DACH1: variants seen among roughly 807,000 people sequenced by gnomAD.
DACH1 encodes the protein dachshund family transcription factor 1.
In DACH1, 12 loss-of-function variants were observed where a neutral mutation model predicts 54.2. The observed-to-expected ratio is 0.22, with a 90% CI of 0.14 to 0.36. The LOEUF (loss-of-function observed/expected upper bound fraction) is 0.36. Among genes scored for constraint, DACH1 ranks in the 10% least tolerant of loss-of-function variants. The pLI, the probability that DACH1 is intolerant of heterozygous loss-of-function variation, is 1.00. For missense variants in DACH1, 805 were observed against 929.8 expected (o/e 0.87, Z 1.75); for synonymous variants, 386 against 366.2 (o/e 1.05, Z -0.62).
intron 10 of DACH1, among the ~76,000 whole-genome samples, chr13:71,471,104 G>A (rs1037777140): frequency 6.6e-6 from 1 of 152,158 alleles, no homozygotes; most frequent in Non-Finnish European, 1.5e-5. Flanking sequence ...TCCAATAGGT[G>A]GGGAAAGAAG....
Position 71,865,917 on chromosome 13 carries a change from C to T in DACH1, c.848+5G>A. 6.3e-7 allele frequency: 1 copy of T among 1,596,484 alleles called. No individual in the cohort carries two copies. The highest frequency in any genetic ancestry group is 1.7e-5 in the Admixed American group (1 of 58,536). On this transcript the variant is annotated splice_donor_5th_base_variant and intron_variant, in intron 1 of 10. Transcript: ENST00000613252. ...GGGCGGCGGGGGCTATCCCCCCCGACTCACCTTGCGTTGGTGCAGTCATTG... is the reference window on the plus strand; with the variant it reads ...GGGCGGCGGGGGCTATCCCCCCCGATTCACCTTGCGTTGGTGCAGTCATTG...
At chr13:71,454,208 A>G (rs945555132) in intron 10 of DACH1, among the ~76,000 whole-genome samples, 4 of 152,192 alleles carry the variant, frequency 2.6e-5, no homozygotes, top group Admixed American at 6.5e-5. Flanking sequence ...ACAAACATGG[A>G]CATCTGCTCT....
At chr13:71,673,147 G>A (rs1478301188) in intron 2 of DACH1, among the ~76,000 whole-genome samples, 1 of 152,054 alleles carries the variant, frequency 6.6e-6, no homozygotes, top group Non-Finnish European at 1.5e-5. Context: ...AGAAAGTATG[G>A]TAATTTTCTT....
At chr13:71,822,422 C>T (rs1888227549) in intron 1 of DACH1, among the ~76,000 whole-genome samples, 1 of 152,024 alleles carries the variant, frequency 6.6e-6, no homozygotes, top group Non-Finnish European at 1.5e-5. Flanking sequence ...AGCAAAAGTG[C>T]AAGATGAGCA....
chr13:71,543,992 AT>A lies in DACH1; in HGVS notation c.1570+13031del, dbSNP rs1274603309. Among the ~76,000 whole-genome samples the A allele has an allele frequency of 4.6e-5, 7 of 152,064 alleles. No individual in the cohort carries two copies. In the East Asian group the frequency reaches 1.3e-3, roughly 29 times the overall value. ...CAACTATAGCAAAACTCAGAAAGGC[AT>A]TTTATCCTCAGCCATAGGTTTAAAT... On this transcript the variant is annotated intron_variant, in intron 6 of 10. Coordinates refer to ENST00000613252, the MANE Select transcript of DACH1 (RefSeq NM_080759.6).
chr13:71,783,656 G>A (rs2138073263), intron 1 of DACH1, among the ~76,000 whole-genome samples: 1 of 152,176 alleles, frequency 6.6e-6, no homozygotes, highest in South Asian at 2.1e-4. Flanking sequence ...GGTTACAATA[G>A]ATTATAAGAA....
chr13:71,497,492 G>A (rs950604011), intron 6 of DACH1, among the ~76,000 whole-genome samples: 12 of 151,762 alleles, frequency 7.9e-5, no homozygotes, highest in East Asian at 1.9e-4. Context: ...CCACCGTACC[G>A]GGCTAATTTT....
chr13:71,531,061 G>A (rs1005630959), intron 6 of DACH1, among the ~76,000 whole-genome samples: 3 of 151,958 alleles, frequency 2.0e-5, no homozygotes, highest in Non-Finnish European at 4.4e-5. Flanking sequence ...TCAAAAGTGA[G>A]ATAATTCTGA....
chr13:71,616,735 CTA>C (rs1875795534), intron 3 of DACH1, among the ~76,000 whole-genome samples: 1 of 151,170 alleles, frequency 6.6e-6, no homozygotes, highest in Admixed American at 6.6e-5. Context: ...GATCCTGTCT[CTA>C]AAATGAACAA....
intron 1 of DACH1, among the ~76,000 whole-genome samples, chr13:71,806,191 TC>T (rs1887493905): frequency 6.6e-6 from 1 of 152,192 alleles, no homozygotes; most frequent in Admixed American, 6.5e-5. Context: ...AGAGATATAT[TC>T]TTCAAATCTT....
rs1873736640 is a variant in DACH1, at chr13:71,438,732, T to G, written c.*1923A>C. 1 of 152,424 alleles carries G rather than the reference T, an allele frequency of 6.6e-6. No homozygotes were observed. The highest frequency in any genetic ancestry group is 2.1e-4 in the South Asian group (1 of 4,834). The allele number at this position is 152,424 out of a possible 1,614,324, so 9.4% of individuals were successfully genotyped here. A position where few individuals can be genotyped will look rare whatever the true frequency, so the allele number is the denominator to read the frequency against. On this transcript the variant is annotated 3_prime_UTR_variant, in exon 11 of 11. Transcript: ENST00000613252. ...TGACACAAGTCCATTCAATTTTAAG[T>G]GTTGTAATCCTTTAAAGACTGCATA...
intron 3 of DACH1, among the ~76,000 whole-genome samples, chr13:71,615,302 T>C (rs1228606116): frequency 2.0e-5 from 3 of 152,212 alleles, no homozygotes; most frequent in Non-Finnish European, 4.4e-5. Context: ...TCAATAGTAA[T>C]TAACACAGTC....
chr13:71,813,383 G>A (rs149168909), intron 1 of DACH1, among the ~76,000 whole-genome samples: 35 of 152,218 alleles, frequency 2.3e-4, no homozygotes, highest in African/African-American at 7.5e-4. Flanking sequence ...GGATGTGATC[G>A]AGCTAGTGAT....
intron 6 of DACH1, among the ~76,000 whole-genome samples, chr13:71,510,221 C>T (rs998308893): frequency 3.9e-5 from 6 of 151,946 alleles, no homozygotes; most frequent in African/African-American, 1.4e-4. Flanking sequence ...TAACAGGTGC[C>T]TTCTGACCTT....
chr13:71,832,797 T>A (rs1299059212), intron 1 of DACH1, among the ~76,000 whole-genome samples: 2 of 151,946 alleles, frequency 1.3e-5, no homozygotes, highest in Admixed American at 1.3e-4. Context: ...TTTCATTTTG[T>A]TTATTCTCAT....
rs150468146 is a variant in DACH1 at position 71,689,410 on chromosome 13, G to A, written c.849-7500C>T. ...TGGGTCAAAGGGAAAGGTTTACAAAGCAGGTGATCATCTAACTTGAAACAT... is the reference window on the plus strand; with the variant it reads ...TGGGTCAAAGGGAAAGGTTTACAAAACAGGTGATCATCTAACTTGAAACAT... On this transcript the variant is annotated intron_variant, in intron 1 of 10. Transcript: ENST00000613252. 7.2e-5 allele frequency among the ~76,000 whole-genome samples: 11 copies of A among 152,244 alleles called. No homozygotes were observed. The East Asian group carries it at 2.1e-3, about 29-fold the overall frequency.
intron 1 of DACH1, among the ~76,000 whole-genome samples, chr13:71,760,347 A>G (rs184780506): frequency 6.1e-4 from 93 of 152,272 alleles, no homozygotes; most frequent in Non-Finnish European, 1.1e-3. Flanking sequence ...CATTAGGCCC[A>G]CTTATCTCCA....
At position 71,866,311 on chromosome 13, in the gene DACH1, A is replaced by ACTGCTGCTGCTGCTGCTG; in HGVS notation, c.441_458dup (p.Ser158_Ser163dup). The ACTGCTGCTGCTGCTGCTG allele has an allele frequency of 2.6e-6, 4 of 1,541,604 alleles. No homozygotes were observed. The Admixed American group carries it at 5.9e-5, about 23-fold the overall frequency. On this transcript the variant is annotated inframe_insertion, in exon 1 of 11. Coordinates refer to ENST00000613252, the MANE Select transcript of DACH1 (RefSeq NM_080759.6). ...TGCTGCTACTGCTGCTGCTGCTACT[A>ACTGCTGCTGCTGCTGCTG]CTGCTGCTGCTGCTGCTGCTGCTAC...
chr13:71,440,046 T>C lies in DACH1; in HGVS notation c.*609A>G, dbSNP rs1873875036. The C allele has an allele frequency of 6.6e-6, 1 of 152,132 alleles. No individual in the cohort carries two copies. Among genetic ancestry groups the C allele is most frequent in the Non-Finnish European group, 1.5e-5 (1 of 67,918 alleles). The allele number at this position is 152,132 out of a possible 1,614,324, so 9.4% of individuals were successfully genotyped here. On this transcript the variant is annotated 3_prime_UTR_variant, in exon 11 of 11. Transcript: ENST00000613252. ...GCAAAATGTTATTTCATTGGGTTGTTGTCAACATCCATTTGTTGGTCTTTT... is the reference window on the plus strand; with the variant it reads ...GCAAAATGTTATTTCATTGGGTTGTCGTCAACATCCATTTGTTGGTCTTTT...
Sources: allele counts gnomAD v4.1 joint callset (sites outside exome capture counted in the v4.1 genomes callset), GRCh38; gene constraint gnomAD v4.1.1; transcripts MANE v1.5; gene names NCBI Gene and HGNC (gene_info 2026-07-23, HGNC 2026-07-21).